Variants in LOXHD1 observed in about 807,000 individuals in gnomAD.
The protein encoded by LOXHD1 is lipoxygenase homology domain-containing protein 1.
A neutral mutation model predicts 248.2 loss-of-function variants in LOXHD1; 205 were observed. The ratio of observed to expected loss-of-function variants is 0.83; its 90% CI spans 0.74 to 0.93. The LOEUF (loss-of-function observed/expected upper bound fraction) is 0.93. Among genes scored for constraint, LOXHD1 ranks in the 40% least tolerant of loss-of-function variants. The pLI is 0.00. For missense variants in LOXHD1, 2,930 were observed against 2,971.6 expected (o/e 0.99, Z 0.33); for synonymous variants, 1,113 against 1,162.8 (o/e 0.96, Z 0.87).
chr18:46,505,721 TCA>T, intron 37 of LOXHD1, 115 bp downstream of exon 37: 1 of 1,066,952 alleles, frequency 9.4e-7, no homozygotes. Flanking sequence ...TCAACTGTGT[TCA>T]GTTTTCTGCC....
At chr18:46,599,075 A>G (rs2038299399) in intron 8 of LOXHD1, among the ~76,000 whole-genome samples, 1 of 152,200 alleles carries the variant, frequency 6.6e-6, no homozygotes, top group African/African-American at 2.4e-5. Context: ...TGAGTGTTAT[A>G]TTAGTGCAGA....
chr18:46,579,512 T>G (rs1906052664), intron 13 of LOXHD1, 118 bp downstream of exon 13: 2 of 1,374,252 alleles, frequency 1.5e-6, no homozygotes, highest in African/African-American at 2.9e-5. Flanking sequence ...GTGAGGCTCC[T>G]GATGGCTGAG....
intron 21 of LOXHD1, chr18:46,554,992 T>G: frequency 3.0e-6 from 1 of 337,254 alleles, no homozygotes; most frequent in Non-Finnish European, 6.1e-6. Context: ...AAGGCAAGAA[T>G]AGCTAATATT....
chr18:46,603,153 A>G lies in LOXHD1; in HGVS notation c.883+953T>C, dbSNP rs77283676. On this transcript the variant is annotated intron_variant, in intron 7 of 40. Coordinates refer to ENST00000642948, the MANE Select transcript of LOXHD1 (RefSeq NM_001384474.1). ...AAGGGAGAAGTTACCCAGGCCAGAG[A>G]AGGTCAGGGAGGGCTCAGAGGAAGT... 4.9e-3 allele frequency among the ~76,000 whole-genome samples: 750 copies of G among 152,168 alleles called. 20 individuals are homozygous for G. In the East Asian group the frequency reaches 0.074, roughly 15 times the overall value.
At chr18:46,523,954 C>T (rs1488197604) in intron 31 of LOXHD1, among the ~76,000 whole-genome samples, 2 of 152,182 alleles carry the variant, frequency 1.3e-5, no homozygotes, top group East Asian at 3.9e-4. Context: ...GTTTGATAGG[C>T]AATTTAGAAC....
intron 5 of LOXHD1, among the ~76,000 whole-genome samples, chr18:46,612,130 A>G (rs970926524): frequency 4.6e-5 from 7 of 152,208 alleles, no homozygotes; most frequent in Non-Finnish European, 1.5e-5. Context: ...TTGTCTATGC[A>G]TTCTTCTACT....
chr18:46,543,156 C>G (rs899965350), intron 23 of LOXHD1, among the ~76,000 whole-genome samples: 3 of 152,038 alleles, frequency 2.0e-5, no homozygotes, highest in Non-Finnish European at 4.4e-5. Context: ...GTCTTTTATC[C>G]CTCATCCCCT....
At chr18:46,649,676 A>C (rs1194798400) in intron 1 of LOXHD1, among the ~76,000 whole-genome samples, 1 of 152,086 alleles carries the variant, frequency 6.6e-6, no homozygotes, top group Non-Finnish European at 1.5e-5. Context: ...GACTGTGGCC[A>C]GCCCTCACCT....
Position 46,638,695 on chromosome 18 carries a change from T to C in LOXHD1, c.511+921A>G, listed in dbSNP as rs528806074. On this transcript the variant is annotated intron_variant, in intron 4 of 40. Transcript: ENST00000642948. ...TCAATGAAGTTGTAAGTTATGATGA[T>C]AGGAATCACAGAGGAACAAGTCAAG... 3.3e-5 allele frequency among the ~76,000 whole-genome samples: 5 copies of C among 152,208 alleles called. No homozygotes were observed. In the East Asian group the frequency reaches 9.6e-4, roughly 29 times the overall value.
In LOXHD1 at chr18:46,639,841, T is replaced by A. The variant is rs1317322862; in HGVS notation, c.327-41A>T. On this transcript the variant is annotated intron_variant, in intron 3 of 40. Coordinates refer to ENST00000642948, the MANE Select transcript of LOXHD1 (RefSeq NM_001384474.1). ...AGGCCCACACCATCACTGGCAGAACTGAAACAGCACCCCTTCCATACTGGA... is the reference window on the plus strand; with the variant it reads ...AGGCCCACACCATCACTGGCAGAACAGAAACAGCACCCCTTCCATACTGGA... The A allele has an allele frequency of 3.9e-6, 6 of 1,549,126 alleles. No individual in the cohort carries two copies. The East Asian group carries it at 1.5e-4, about 38-fold the overall frequency.
intron 20 of LOXHD1, chr18:46,558,988 T>C (rs1179532768): frequency 1.4e-5 from 7 of 501,926 alleles, no homozygotes; most frequent in Non-Finnish European, 2.5e-5. Flanking sequence ...GCCTCCCCCA[T>C]TTCCACCTCC....
At chr18:46,653,560 C>A (rs548625920) in intron 1 of LOXHD1, among the ~76,000 whole-genome samples, 3 of 152,302 alleles carry the variant, frequency 2.0e-5, no homozygotes, top group African/African-American at 7.2e-5. Context: ...GATGGGAAGA[C>A]CCCCACTAAT....
chr18:46,518,098 G>T (rs770639029), intron 34 of LOXHD1, 31 bp downstream of exon 34: 26 of 1,550,444 alleles, frequency 1.7e-5, no homozygotes, highest in Non-Finnish European at 2.3e-5. Context: ...GAATGTGGGA[G>T]GGGTGAGGGG....
chr18:46,522,492 T>G (rs2144140723), intron 31 of LOXHD1, among the ~76,000 whole-genome samples, 183 bp from the exon 32 acceptor site: 1 of 152,338 alleles, frequency 6.6e-6, no homozygotes, highest in East Asian at 1.9e-4. Flanking sequence ...CTCCAAGAAC[T>G]GAGGGAGTTG....
At chr18:46,586,341 C>T (rs533641643) in intron 12 of LOXHD1, among the ~76,000 whole-genome samples, 44 of 152,152 alleles carry the variant, frequency 2.9e-4, no homozygotes, top group African/African-American at 1.0e-3. Context: ...GATGGATGCA[C>T]GATTTTATTA....
rs876657856 is a variant in LOXHD1 at position 46,477,468 on chromosome 18, C to A, written c.*4G>T. 1 of 1,543,656 alleles carries A rather than the reference C, an allele frequency of 6.5e-7. No homozygotes were observed. Among genetic ancestry groups the A allele is most frequent in the South Asian group, 1.2e-5 (1 of 83,812 alleles). On this transcript the variant is annotated 3_prime_UTR_variant, in exon 41 of 41. Transcript: ENST00000642948. ...CTCAGTGAGAGGGTGGGGGCCCTAG[C>A]CCCTCAGACAGAAGGGAAGAGGTCT...
intron 6 of LOXHD1, among the ~76,000 whole-genome samples, chr18:46,610,473 A>C (rs1486266782): frequency 6.6e-6 from 1 of 152,206 alleles, no homozygotes; most frequent in Non-Finnish European, 1.5e-5. Context: ...TGGGTGCAGC[A>C]AACCAACATG....
intron 4 of LOXHD1, among the ~76,000 whole-genome samples, chr18:46,638,187 G>C (rs1261812136): frequency 6.6e-6 from 1 of 152,128 alleles, no homozygotes; most frequent in Non-Finnish European, 1.5e-5. Flanking sequence ...AAAAAGACTA[G>C]AAATGAAGAC....
At chr18:46,609,800 G>A (rs531084669) in intron 6 of LOXHD1, among the ~76,000 whole-genome samples, 55 of 152,302 alleles carry the variant, frequency 3.6e-4, no homozygotes, top group African/African-American at 1.1e-3. Context: ...CAGGAAACAA[G>A]TTTACTAGAA....
Sources: gnomAD v4.1 joint callset for allele counts (sites outside exome capture counted in the v4.1 genomes callset) on GRCh38, gnomAD v4.1.1 for gene constraint, MANE v1.5 for transcripts, NCBI Gene and HGNC (gene_info 2026-07-23, HGNC 2026-07-21) for gene names.